The following TRIM37 variants were observed in gnomAD, a reference collection of about 807,000 sequenced individuals.
TRIM37 encodes tripartite motif containing 37.
A neutral mutation model predicts 129.8 loss-of-function variants in TRIM37; 80 were observed. The ratio of observed to expected loss-of-function variants is 0.62; its 90% confidence interval spans 0.51 to 0.74. The LOEUF is 0.74. TRIM37 is among the 30% of genes least tolerant of loss of function. The pLI is 0.00. For missense variants in TRIM37, 1,054 were observed against 1,176.5 expected, an observed-to-expected ratio of 0.90 and a Z score of 1.52; for synonymous variants, 389 against 387.1, an observed-to-expected ratio of 1.00 and a Z score of -0.06.
At chr17:58,972,960 C>T in the TRIM37 span, 1 of 1,469,020 alleles carries the variant, frequency 6.8e-7, no homozygotes, top group Non-Finnish European at 9.5e-7. Flanking sequence ...TCCAAACTGT[C>T]CTCTTCTAGC....
intron 19 of TRIM37, among the ~76,000 whole-genome samples, chr17:59,024,075 G>A (rs186490425): frequency 9.2e-5 from 14 of 151,862 alleles, no homozygotes; most frequent in East Asian, 1.9e-4. Context: ...CTAGCCGGGC[G>A]TGGTGGCATG....
At chr17:59,025,126 G>A (rs1289263851) in intron 19 of TRIM37, among the ~76,000 whole-genome samples, 1 of 151,944 alleles carries the variant, frequency 6.6e-6, no homozygotes, top group Non-Finnish European at 1.5e-5. Context: ...TTGGGAATCT[G>A]GTCTATAATA....
intron 22 of TRIM37, among the ~76,000 whole-genome samples, chr17:59,008,349 A>G (rs967467328): frequency 6.6e-6 from 1 of 152,240 alleles, no homozygotes; most frequent in African/African-American, 2.4e-5. Context: ...AAAATGTGTT[A>G]CTGAATAACA....
chr17:59,093,117 T>C (rs1016296902), intron 2 of TRIM37, among the ~76,000 whole-genome samples: 2 of 152,078 alleles, frequency 1.3e-5, no homozygotes, highest in African/African-American at 4.8e-5. Flanking sequence ...GCCACGGCAC[T>C]ACAGCCTGTG....
intron 8 of TRIM37, among the ~76,000 whole-genome samples, chr17:59,071,955 T>C (rs2042407080): frequency 6.6e-6 from 1 of 152,216 alleles, no homozygotes; most frequent in South Asian, 2.1e-4. Flanking sequence ...AAACTATCTG[T>C]TATGTGCTGA....
At chr17:58,985,537 C>T (rs1186135355) in intron 24 of TRIM37, among the ~76,000 whole-genome samples, 1 of 152,164 alleles carries the variant, frequency 6.6e-6, no homozygotes, top group African/African-American at 2.4e-5. Flanking sequence ...TTCGCTTAGC[C>T]TCTTTGAGTT....
chr17:59,064,540 T>C (rs1568144648), intron 9 of TRIM37, 135 bp from the exon 10 acceptor site: 1 of 653,914 alleles, frequency 1.5e-6, no homozygotes, highest in South Asian at 2.0e-5. Context: ...TAAATCTTTA[T>C]TGAACATAAC....
At chr17:59,059,768 G>A (rs2333410) in intron 12 of TRIM37, among the ~76,000 whole-genome samples, 56,516 of 151,980 alleles carry the variant, frequency 0.37, 10,821 homozygotes, top group East Asian at 0.53. Context: ...ATCCTTTCAG[G>A]TCTCACTTTT....
At chr17:58,987,471 C>T (rs947477029) in intron 24 of TRIM37, among the ~76,000 whole-genome samples, 5 of 152,166 alleles carry the variant, frequency 3.3e-5, no homozygotes, top group African/African-American at 7.2e-5. Context: ...GGGAGACTCC[C>T]GGTCAACATG....
At chr17:59,084,309 A>G (rs2043562428) in intron 4 of TRIM37, among the ~76,000 whole-genome samples, 1 of 152,250 alleles carries the variant, frequency 6.6e-6, no homozygotes, top group Non-Finnish European at 1.5e-5. Context: ...TTATAATCAC[A>G]TGCGAAATAC....
rs551007478 is a variant in TRIM37 at position 59,037,286 on chromosome 17, C to A, written c.1753+4527G>T. 1.3e-3 allele frequency among the ~76,000 whole-genome samples: 202 copies of A among 151,922 alleles called. 1 individual carries two copies. Among genetic ancestry groups the A allele is most frequent in the South Asian group, 0.012 (57 of 4,806 alleles). On this transcript the variant is annotated intron_variant, in intron 17 of 23. Transcript: ENST00000262294. ...TAAAAAGCTTTTTATTGGCCAGGTG[C>A]AGTGGATCACACCTGTAATCCCAGT...
At chr17:59,040,087 G>T (rs1044157965) in intron 17 of TRIM37, among the ~76,000 whole-genome samples, 1 of 151,572 alleles carries the variant, frequency 6.6e-6, no homozygotes, top group African/African-American at 2.4e-5. Flanking sequence ...GTATTTTTTT[G>T]TAGAGACAAG....
In TRIM37 at chr17:59,106,642, A is replaced by C; in HGVS notation, c.-181T>G. On this transcript the variant is annotated 5_prime_UTR_variant, in exon 1 of 24. It removes an upstream start codon present in the reference 5' UTR. Transcript: ENST00000262294. Reference sequence around the variant, plus strand: ...TTCAGGTCCAGCGCCGCCTACCCCCATTTCGCCATTTTTACCGGCGCGCCC... The same window carrying C: ...TTCAGGTCCAGCGCCGCCTACCCCCCTTTCGCCATTTTTACCGGCGCGCCC... 2.9e-6 allele frequency: 2 copies of C among 699,246 alleles called. No individual in the cohort carries two copies. The highest frequency in any genetic ancestry group is 2.4e-6 in the Non-Finnish European group (1 of 413,156). 43.3% of individuals were successfully genotyped at this position (699,246 alleles called of 1,614,324 possible).
chr17:58,985,928 G>A lies in TRIM37; in HGVS notation c.2892-3007C>T, dbSNP rs118008145. On this transcript the variant is annotated intron_variant, in intron 24 of 24. Transcript: ENST00000393066. ...ATTTGAAGGGGTTTACTGAAGCAGG[G>A]AATGACAGAAAAGGAACATTTTGAT... is the stretch of plus-strand genomic sequence containing the variant. Among the ~76,000 whole-genome samples, 661 of 152,218 alleles carry A rather than the reference G, an allele frequency of 4.3e-3. 6 individuals carry two copies. The highest frequency in any genetic ancestry group is 0.014 in the Middle Eastern group (4 of 294).
At chr17:59,101,701 C>T (rs1274259975) in intron 2 of TRIM37, among the ~76,000 whole-genome samples, 29 of 137,266 alleles carry the variant, frequency 2.1e-4, no homozygotes, top group African/African-American at 4.3e-4. Context: ...TATATACACA[C>T]ACACACACAC....
At chr17:59,030,278 TG>T (rs1438037272) in intron 18 of TRIM37, among the ~76,000 whole-genome samples, 1 of 152,210 alleles carries the variant, frequency 6.6e-6, no homozygotes. Context: ...GCTAATTTTT[TG>T]TATTTTTAGT....
chr17:59,013,735 C>A (rs1776565051), intron 21 of TRIM37, among the ~76,000 whole-genome samples: 1 of 151,474 alleles, frequency 6.6e-6, no homozygotes, highest in African/African-American at 2.4e-5. Context: ...GCTATGTTGC[C>A]TAGGGTGTTC....
intron 20 of TRIM37, among the ~76,000 whole-genome samples, chr17:59,016,076 A>G (rs73317233): frequency 6.0e-4 from 92 of 152,242 alleles, no homozygotes; most frequent in African/African-American, 2.1e-3. Flanking sequence ...CTCACTATAT[A>G]TATCATTTTA....
In TRIM37 at chr17:58,999,085, G is replaced by A. The variant is rs2033336231; in HGVS notation, c.*292C>T. 2 of 1,226,974 alleles carry A rather than the reference G, an allele frequency of 1.6e-6. No homozygotes were observed. The highest frequency in any genetic ancestry group is 2.1e-6 in the Non-Finnish European group (2 of 974,538). 76.0% of individuals were successfully genotyped at this position (1,226,974 alleles called of 1,614,324 possible). ...TCTGGCAGTTAACCAGCCTTCTGCT[G>A]TAGTAGACAAACTGCCTTTTGTGAA... On this transcript the variant is annotated 3_prime_UTR_variant, in exon 24 of 24. Transcript: ENST00000262294.
Sources: allele counts gnomAD v4.1 joint callset (sites outside exome capture counted in the v4.1 genomes callset), GRCh38; gene constraint gnomAD v4.1.1; transcripts MANE v1.5; gene names NCBI Gene and HGNC (gene_info 2026-07-23, HGNC 2026-07-21).